The following SLC17A8 variants were observed in gnomAD, a reference collection of about 807,000 sequenced individuals.
SLC17A8 encodes the protein solute carrier family 17 member 8.
In SLC17A8, 31 loss-of-function variants were observed where a neutral mutation model predicts 58.0. The ratio of observed to expected loss-of-function variants is 0.53; its 90% confidence interval spans 0.40 to 0.72. The LOEUF (loss-of-function observed/expected upper bound fraction) is 0.72. SLC17A8 is among the 30% of genes least tolerant of loss of function. The probability of loss-of-function intolerance (pLI) is 0.00; values close to 1 mark genes in which losing one functional copy is unlikely to be tolerated. For missense variants in SLC17A8, 655 were observed against 727.8 expected (o/e 0.90, Z 1.15); for synonymous variants, 228 against 249.0 (o/e 0.92, Z 0.79).
Position 100,380,880 on chromosome 12 carries a change from G to A in SLC17A8, c.281G>A (p.Cys94Tyr), listed in dbSNP as rs1412990758. Reference protein sequence around the residue: ...LGFCISFGIRCNLGVAIVEMV... With the variant: ...LGFCISFGIRYNLGVAIVEMV... Reference sequence around the variant, plus strand: ...TTCTGCATTTCCTTTGGGATCCGGTGCAATCTTGGAGTTGCCATTGTGGAA... The same window carrying A: ...TTCTGCATTTCCTTTGGGATCCGGTACAATCTTGGAGTTGCCATTGTGGAA... The change falls in exon 2 of 12, where the codon TGC becomes TAC. Residue 94 changes from cysteine (C) to tyrosine (Y), a missense_variant. Cys to Tyr is a radical substitution (Grantham distance 194). Coordinates refer to ENST00000323346, the MANE Select transcript of SLC17A8 (RefSeq NM_139319.3). 6.2e-7 allele frequency: 1 copy of A among 1,614,012 alleles called. No individual in the cohort carries two copies. Among genetic ancestry groups the A allele is most frequent in the Non-Finnish European group, 8.5e-7 (1 of 1,180,042 alleles).
intron 10 of SLC17A8, among the ~76,000 whole-genome samples, chr12:100,414,039 T>C (rs1324610110): frequency 6.6e-6 from 1 of 152,170 alleles, no homozygotes; most frequent in East Asian, 1.9e-4. Context: ...ATTTCACATA[T>C]ATTGTATATA....
chr12:100,360,105 T>G (rs1244816655), intron 1 of SLC17A8, among the ~76,000 whole-genome samples: 1 of 152,208 alleles, frequency 6.6e-6, no homozygotes, highest in African/African-American at 2.4e-5. Flanking sequence ...CAGTCAGGCA[T>G]GATTAGCTTT....
chr12:100,405,222 C>T (rs1952818964), intron 9 of SLC17A8, among the ~76,000 whole-genome samples: 2 of 152,164 alleles, frequency 1.3e-5, no homozygotes, highest in African/African-American at 4.8e-5. Context: ...CTTGAACTTT[C>T]TTGTAGAGGA....
chr12:100,409,653 G>T (rs1952852699), intron 9 of SLC17A8, among the ~76,000 whole-genome samples: 1 of 152,120 alleles, frequency 6.6e-6, no homozygotes, highest in African/African-American at 2.4e-5. Flanking sequence ...GTAGGGAGAG[G>T]GTTGTTAGGG....
At chr12:100,411,874 G>A (rs1593007019) in intron 9 of SLC17A8, among the ~76,000 whole-genome samples, 1 of 149,976 alleles carries the variant, frequency 6.7e-6, no homozygotes, top group African/African-American at 2.5e-5. Flanking sequence ...AGGCCTGAGA[G>A]CTTGGTGAAC....
chr12:100,375,215 T>C (rs568625117), intron 1 of SLC17A8, among the ~76,000 whole-genome samples: 6 of 151,208 alleles, frequency 4.0e-5, no homozygotes, highest in Non-Finnish European at 8.8e-5. Context: ...CTCAAACTCT[T>C]GAGCTCAAGT....
rs1952464747 is a variant in SLC17A8 at position 100,358,785 on chromosome 12, A to T, written c.101+1293A>T. ...AGAAACGCAAAAATAATTTTTGCAT[A>T]ATAAGCACGATAGCTTAATTGGCTT... On this transcript the variant is annotated intron_variant, in intron 1 of 11. Coordinates refer to ENST00000323346, the MANE Select transcript of SLC17A8 (RefSeq NM_139319.3). Among the ~76,000 whole-genome samples, 3 of 152,236 alleles carry T rather than the reference A, an allele frequency of 2.0e-5. No individual in the cohort carries two copies. In the South Asian group the frequency reaches 6.2e-4, roughly 31 times the overall value.
chr12:100,408,302 T>C (rs930886887), intron 9 of SLC17A8, among the ~76,000 whole-genome samples: 4 of 152,226 alleles, frequency 2.6e-5, no homozygotes, highest in African/African-American at 9.6e-5. Flanking sequence ...TCTACGTCTA[T>C]GATGCTTAAA....
chr12:100,395,940 G>A lies in SLC17A8; in HGVS notation c.589-390G>A, dbSNP rs549817178. ...GAAATGTATTTCTTACAGTTCTGGA[G>A]GCTGAGGAGTCAAAGATCAAGGTGC... On this transcript the variant is annotated intron_variant, in intron 4 of 11. Coordinates refer to ENST00000323346, the MANE Select transcript of SLC17A8 (RefSeq NM_139319.3). Among the ~76,000 whole-genome samples the A allele has an allele frequency of 1.2e-4, 18 of 152,348 alleles. No homozygotes were observed. In the East Asian group the frequency reaches 3.5e-3, roughly 29 times the overall value.
At chr12:100,368,537 A>G (rs982270954) in intron 1 of SLC17A8, among the ~76,000 whole-genome samples, 2 of 152,178 alleles carry the variant, frequency 1.3e-5, no homozygotes, top group Non-Finnish European at 2.9e-5. Flanking sequence ...TCTACCTCCC[A>G]TATTGATGAA....
At chr12:100,413,337 C>G (rs1952883861) in intron 10 of SLC17A8, among the ~76,000 whole-genome samples, 1 of 152,188 alleles carries the variant, frequency 6.6e-6, no homozygotes, top group East Asian at 1.9e-4. Flanking sequence ...TTGTCTACTC[C>G]ATTGCTTTCA....
intron 2 of SLC17A8, among the ~76,000 whole-genome samples, chr12:100,388,801 C>CT (rs1476378600): frequency 6.6e-6 from 1 of 152,190 alleles, no homozygotes; most frequent in Non-Finnish European, 1.5e-5. Flanking sequence ...TATCAAAAAG[C>CT]TTTACAAAGC....
chr12:100,410,106 T>G (rs1952856029), intron 9 of SLC17A8, among the ~76,000 whole-genome samples: 3 of 152,316 alleles, frequency 2.0e-5, no homozygotes, highest in South Asian at 2.1e-4. Flanking sequence ...AGGCCTGTAA[T>G]CCCAGCACTT....
intron 11 of SLC17A8, among the ~76,000 whole-genome samples, chr12:100,419,399 T>C: frequency 6.6e-6 from 1 of 152,162 alleles, no homozygotes; most frequent in South Asian, 2.1e-4. Context: ...CCAGGCGTGG[T>C]GGCGGGCACC....
chr12:100,404,614 A>T (rs1191661291), intron 9 of SLC17A8, among the ~76,000 whole-genome samples: 1 of 152,070 alleles, frequency 6.6e-6, no homozygotes, highest in East Asian at 1.9e-4. Flanking sequence ...GTGATTTCCC[A>T]AAAGAGGTAG....
intron 1 of SLC17A8, among the ~76,000 whole-genome samples, chr12:100,364,047 C>CA (rs3057169): frequency 0.17 from 9,033 of 52,456 alleles, 881 homozygotes; most frequent in East Asian, 0.38. Context: ...GATTCCATCT[C>CA]AAAAAAAAAA....
chr12:100,365,572 A>G (rs1486936920), intron 1 of SLC17A8, among the ~76,000 whole-genome samples: 4 of 152,150 alleles, frequency 2.6e-5, no homozygotes, highest in African/African-American at 9.7e-5. Flanking sequence ...CTGCCTCAAA[A>G]ACCCAAAGAG....
At chr12:100,386,437 T>G (rs1392669417) in intron 2 of SLC17A8, among the ~76,000 whole-genome samples, 1 of 152,064 alleles carries the variant, frequency 6.6e-6, no homozygotes, top group African/African-American at 2.4e-5. Context: ...TGACTGAAAC[T>G]TTTTCCCATT....
intron 10 of SLC17A8, 115 bp downstream of exon 10, chr12:100,412,995 G>A (rs1593007619): frequency 1.2e-6 from 1 of 835,176 alleles, no homozygotes; most frequent in Non-Finnish European, 2.1e-6. Flanking sequence ...TTCTCAGAGA[G>A]CAGGACCACC....
Sources: allele counts gnomAD v4.1 joint callset (sites outside exome capture counted in the v4.1 genomes callset), GRCh38; gene constraint gnomAD v4.1.1; transcripts MANE v1.5; gene names NCBI Gene and HGNC (gene_info 2026-07-23, HGNC 2026-07-21).